Variants in NCOR1 observed in about 807,000 individuals in gnomAD.
The protein encoded by NCOR1 is nuclear receptor corepressor 1, also known as protein phosphatase 1, regulatory subunit 109.
A neutral mutation model predicts 288.1 loss-of-function variants in NCOR1; 63 were observed. That is an observed-to-expected ratio of 0.22 (90% confidence interval 0.18 to 0.27). NCOR1 has a LOEUF of 0.27. NCOR1 is among the 10% of genes least tolerant of loss of function. The probability of loss-of-function intolerance (pLI) is 1.00; values close to 1 mark genes in which losing one functional copy is unlikely to be tolerated. For missense variants in NCOR1, 2,397 were observed against 3,019.2 expected (o/e 0.79, Z 4.83); for synonymous variants, 1,007 against 1,065.9 (o/e 0.94, Z 1.08).
chr17:16,041,032 A>G (rs1183078532), intron 42 of NCOR1: 1 of 153,952 alleles, frequency 6.5e-6, no homozygotes, highest in East Asian at 1.9e-4. Context: ...TGACCGCCAC[A>G]AATACCAACA....
rs765511693 is a variant in NCOR1 at position 16,080,682 on chromosome 17, T to A, written c.3223A>T (p.Thr1075Ser). 6.2e-7 allele frequency: 1 copy of A among 1,613,996 alleles called. No individual in the cohort carries two copies. Among genetic ancestry groups the A allele is most frequent in the Admixed American group, 1.7e-5 (1 of 60,010 alleles). The part of the protein sequence containing the change: ...YLTSHNQASY[T>S]QETPKPSVGS... Reference sequence around the variant, plus strand: ...ACTGACGGCTTGGGTGTTTCTTGAGTGTAGGAAGCCTGATTATGAGAAGTC... The same window carrying A: ...ACTGACGGCTTGGGTGTTTCTTGAGAGTAGGAAGCCTGATTATGAGAAGTC... The change falls in exon 24 of 46, where the codon ACT (threonine) becomes TCT (serine). Residue 1075 changes from threonine to serine, a missense_variant. Thr to Ser is a moderately conservative substitution (Grantham distance 58). This residue lies in a region of NCOR1 where 1,872 missense variants were observed against 2,187.8 expected (regional missense o/e 0.86). Coordinates refer to ENST00000268712, the MANE Select transcript of NCOR1 (RefSeq NM_006311.4).
At chr17:16,078,022 G>A (rs2062817315) in intron 26 of NCOR1, among the ~76,000 whole-genome samples, 1 of 152,148 alleles carries the variant, frequency 6.6e-6, no homozygotes, top group South Asian at 2.1e-4. Flanking sequence ...TTTAGGTCAG[G>A]TTATCTATAT....
intron 14 of NCOR1, among the ~76,000 whole-genome samples, chr17:16,127,443 A>G (rs900271656): frequency 6.8e-6 from 1 of 146,718 alleles, no homozygotes; most frequent in African/African-American, 2.5e-5. Flanking sequence ...GTATGTATAT[A>G]TGTGTATATG....
chr17:16,109,055 C>T (rs1190672003), intron 18 of NCOR1, 143 bp from the exon 19 acceptor site: 42 of 635,372 alleles, frequency 6.6e-5, no homozygotes, highest in Non-Finnish European at 9.4e-5. Context: ...GGTTAAAGTG[C>T]AGATAAATAC....
intron 21 of NCOR1, among the ~76,000 whole-genome samples, chr17:16,092,695 A>ATTTTTTTT (rs1184440315): frequency 2.7e-4 from 6 of 22,600 alleles, no homozygotes; most frequent in Admixed American, 9.3e-4. Context: ...ATATATATAT[A>ATTTTTTTT]TTTTTTTTTT....
In NCOR1 at chr17:16,214,542, C is replaced by A. The variant is rs551395157; in HGVS notation, c.-71+820G>T. ...GATTAGAATTACCTATACTACTACT[C>A]TCCAAGGTTAACTCTGTGGAAGAGG... On this transcript the variant is annotated intron_variant, in intron 1 of 45. Transcript: ENST00000268712. Among the ~76,000 whole-genome samples the A allele has an allele frequency of 2.6e-5, 4 of 152,330 alleles. No individual in the cohort carries two copies. In the South Asian group the frequency reaches 8.3e-4, roughly 32 times the overall value.
intron 18 of NCOR1, 119 bp downstream of exon 18, chr17:16,117,769 C>T (rs751302721): frequency 1.1e-4 from 122 of 1,086,374 alleles, no homozygotes; most frequent in Non-Finnish European, 1.5e-4. Flanking sequence ...TTGCAGTGAG[C>T]CAAGATTGCA....
rs115674252 is a variant in NCOR1, at chr17:16,064,079, T to A, written c.5210A>T (p.Tyr1737Phe). The A allele has an allele frequency of 3.1e-6, 5 of 1,613,882 alleles. No homozygotes were observed. In the African/African-American group the frequency reaches 6.7e-5, roughly 22 times the overall value. ...TGCCTTTCACTGACCTGGCCGCAGG[T>A]AGAGGTCGGAGGAAGCTGCAGCAAT... The part of the protein sequence containing the change: ...ERIAAASSDL[Y>F]LRPGSEQPGR... Residue 1737 changes from tyrosine (Y) to phenylalanine (F), a missense_variant, in exon 35 of 46, where the codon TAC becomes TTC. Tyr to Phe is a conservative substitution (Grantham distance 22). Transcript: ENST00000268712.
chr17:16,128,640 G>T (rs2075126151), intron 14 of NCOR1, among the ~76,000 whole-genome samples: 1 of 152,130 alleles, frequency 6.6e-6, no homozygotes, highest in South Asian at 2.1e-4. Flanking sequence ...TCTGATCCAG[G>T]CTAATGTCAA....
At chr17:16,132,873 T>G (rs1483184197) in intron 14 of NCOR1, among the ~76,000 whole-genome samples, 2 of 151,528 alleles carry the variant, frequency 1.3e-5, no homozygotes, top group African/African-American at 4.8e-5. Flanking sequence ...TGGCTTTTCT[T>G]GCTTTCCTTC....
intron 1 of NCOR1, among the ~76,000 whole-genome samples, chr17:16,207,570 T>C (rs1016920959): frequency 1.4e-4 from 21 of 151,696 alleles, no homozygotes; most frequent in African/African-American, 5.1e-4. Flanking sequence ...TGAAACCCCA[T>C]CTCTACTAAA....
At chr17:16,078,661 C>T (rs895637173) in intron 26 of NCOR1, among the ~76,000 whole-genome samples, 11 of 152,060 alleles carry the variant, frequency 7.2e-5, no homozygotes, top group Admixed American at 7.2e-4. Context: ...CTGCAACCTC[C>T]GCCTCCCAGG....
At position 16,040,499 on chromosome 17, in the gene NCOR1, A is replaced by G. The variant is rs911868747; in HGVS notation, c.6680-5T>C. 3 of 1,612,794 alleles carry G rather than the reference A, an allele frequency of 1.9e-6. No homozygotes were observed. Among genetic ancestry groups the G allele is most frequent in the Admixed American group, 1.7e-5 (1 of 59,964 alleles). ...CAGTTCCTGGCTGAGCAGCTGCTAT[A>G]TTTAAGCAAACATTCAAGTTAATTA... is the stretch of plus-strand genomic sequence containing the variant. On this transcript the variant is annotated splice_region_variant and splice_polypyrimidine_tract_variant and intron_variant, in intron 42 of 45. Transcript: ENST00000268712.
chr17:16,065,448 A>G (rs368513722), intron 33 of NCOR1, 37 bp downstream of exon 33: 86 of 1,603,404 alleles, frequency 5.4e-5, no homozygotes, highest in Non-Finnish European at 7.3e-5. Context: ...GGTAAACATA[A>G]TAAATTCTAC....
chr17:16,150,486 GT>G (rs1488088444), intron 8 of NCOR1, among the ~76,000 whole-genome samples: 1 of 152,140 alleles, frequency 6.6e-6, no homozygotes, highest in East Asian at 1.9e-4. Context: ...ATAATTTTAA[GT>G]ATACGTTACT....
At chr17:16,187,807 G>A (rs1162608598) in intron 2 of NCOR1, among the ~76,000 whole-genome samples, 1 of 151,780 alleles carries the variant, frequency 6.6e-6, no homozygotes, top group Non-Finnish European at 1.5e-5. Flanking sequence ...GGCTAAGGTG[G>A]GAGGCTTGCT....
intron 19 of NCOR1, among the ~76,000 whole-genome samples, chr17:16,107,038 G>A (rs1443148446): frequency 2.7e-5 from 4 of 150,862 alleles, no homozygotes; most frequent in African/African-American, 7.3e-5. Flanking sequence ...GACTACAGGC[G>A]CCCGCCACCA....
At chr17:16,121,484 T>A (rs2073014748) in intron 15 of NCOR1, among the ~76,000 whole-genome samples, 1 of 152,144 alleles carries the variant, frequency 6.6e-6, no homozygotes, top group Non-Finnish European at 1.5e-5. Flanking sequence ...TTTTACATAC[T>A]AATGGACTTA....
intron 18 of NCOR1, among the ~76,000 whole-genome samples, chr17:16,117,454 G>A (rs1236488703): frequency 2.8e-5 from 4 of 144,792 alleles, no homozygotes; most frequent in Non-Finnish European, 6.0e-5. Context: ...ACATATAAGT[G>A]CAATAAATAA....
Sources: gnomAD v4.1 joint callset for allele counts (sites outside exome capture counted in the v4.1 genomes callset) on GRCh38, gnomAD v4.1.1 for gene constraint, gnomAD v4.1.1 regional missense constraint, MANE v1.5 for transcripts, NCBI Gene and HGNC (gene_info 2026-07-23, HGNC 2026-07-21) for gene names.